ABCA10: variants seen among roughly 807,000 people sequenced by gnomAD.
The protein encoded by ABCA10 is ATP-binding cassette sub-family A member 10.
ABCA10 carries 169 observed loss-of-function variants against 187.5 expected under a neutral mutation model. The observed-to-expected ratio is 0.90, with a 90% CI of 0.80 to 1.02. The LOEUF (loss-of-function observed/expected upper bound fraction) is 1.02. ABCA10 is among the 50% of genes least tolerant of loss of function. ABCA10 has a pLI of 0.00. For synonymous variants in ABCA10, 574 were observed against 601.8 expected, an observed-to-expected ratio of 0.95 and a Z score of 0.68; for missense variants, 1,727 against 1,812.4, an observed-to-expected ratio of 0.95 and a Z score of 0.86.
chr17:69,197,232 TG>T, intron 10 of ABCA10, 110 bp from the exon 11 acceptor site: 1 of 839,582 alleles, frequency 1.2e-6, no homozygotes, highest in Non-Finnish European at 1.9e-6. Context: ...TCACTCTCAG[TG>T]GGATGTAAGG....
At position 69,165,008 on chromosome 17, in the gene ABCA10, T is replaced by C; in HGVS notation, c.3238A>G (p.Ile1080Val). ...KLNLILCMIF[I>V]PSFTLLGYVM... ...TACCCCAGCAAAGTGAAGGAAGGTATGAAAATCATGCACAAAATTAAGTTG... is the reference window on the plus strand; with the variant it reads ...TACCCCAGCAAAGTGAAGGAAGGTACGAAAATCATGCACAAAATTAAGTTG... Residue 1080 changes from isoleucine to valine, a missense_variant, in exon 26 of 39, where the codon ATA becomes GTA. Coordinates refer to ENST00000690296, the MANE Select transcript of ABCA10 (RefSeq NM_001377321.1). 6.2e-7 allele frequency: 1 copy of C among 1,613,194 alleles called. No homozygotes were observed. Among genetic ancestry groups the C allele is most frequent in the Non-Finnish European group, 8.5e-7 (1 of 1,179,338 alleles).
At chr17:69,154,212 A>C in intron 31 of ABCA10, 23 bp downstream of exon 31, 2 of 1,559,888 alleles carry the variant, frequency 1.3e-6, no homozygotes, top group Non-Finnish European at 8.7e-7. Context: ...TTTAAAATAA[A>C]ATTTCCTTCA....
chr17:69,194,235 A>C, intron 12 of ABCA10, 150 bp downstream of exon 12: 1 of 750,174 alleles, frequency 1.3e-6, no homozygotes, highest in South Asian at 1.8e-5. Context: ...AAATGTTTTC[A>C]TGAATTTATG....
chr17:69,209,774 C>T (rs2074623837), intron 9 of ABCA10, among the ~76,000 whole-genome samples: 2 of 152,174 alleles, frequency 1.3e-5, no homozygotes, highest in South Asian at 4.1e-4. Context: ...GTCTACTACG[C>T]ACCTAGGCTA....
Position 69,194,418 on chromosome 17 carries a change from T to A in ABCA10, c.1312A>T (p.Asn438Tyr), listed in dbSNP as rs140932709. The A allele has an allele frequency of 2.1e-5, 34 of 1,612,914 alleles. No individual in the cohort carries two copies. The African/African-American group carries it at 2.1e-4, about 10-fold the overall frequency. ...HNGAGKSTLL[N>Y]ILSGLSVSTE... Reference sequence around the variant, plus strand: ...GAAACAGACAATCCACTAAGAATGTTTAGCAGTGTTGATTTACCAGCTCCA... The same window carrying A: ...GAAACAGACAATCCACTAAGAATGTATAGCAGTGTTGATTTACCAGCTCCA... Residue 438 changes from asparagine (N) to tyrosine (Y), a missense_variant, in exon 12 of 39, where the codon AAC (asparagine) becomes TAC (tyrosine). Asn to Tyr is a moderately radical substitution (Grantham distance 143, BLOSUM62 -2). Coordinates refer to ENST00000690296, the MANE Select transcript of ABCA10 (RefSeq NM_001377321.1).
intron 23 of ABCA10, 98 bp from the exon 24 acceptor site, chr17:69,174,875 G>T: frequency 1.9e-6 from 2 of 1,074,798 alleles, no homozygotes; most frequent in Non-Finnish European, 2.5e-6. Context: ...GAAATAGTAT[G>T]TTATAGTGTC....
At chr17:69,165,629 T>C (rs966949404) in intron 25 of ABCA10, among the ~76,000 whole-genome samples, 1 of 152,154 alleles carries the variant, frequency 6.6e-6, no homozygotes, top group African/African-American at 2.4e-5. Context: ...TGTTAGTCGT[T>C]TCCTAAAATG....
intron 27 of ABCA10, among the ~76,000 whole-genome samples, chr17:69,163,086 C>G (rs559820683): frequency 6.6e-5 from 10 of 152,170 alleles, no homozygotes; most frequent in Non-Finnish European, 1.2e-4. Flanking sequence ...GTCCACCCAC[C>G]TCGGCTTCCC....
At chr17:69,156,664 T>G (rs1023577727) in intron 28 of ABCA10, among the ~76,000 whole-genome samples, 168 bp downstream of exon 28, 2 of 152,008 alleles carry the variant, frequency 1.3e-5, no homozygotes, top group Non-Finnish European at 2.9e-5. Flanking sequence ...AATTATAAAT[T>G]TAAGAAGATT....
chr17:69,222,321 G>A (rs1187873404), intron 4 of ABCA10, among the ~76,000 whole-genome samples: 6 of 136,794 alleles, frequency 4.4e-5, no homozygotes. Context: ...CAGGGTGACA[G>A]AGGGAGACTC....
In ABCA10 at chr17:69,235,588, G is replaced by T. The variant is rs540083246; in HGVS notation, c.-592-6728C>A. Among the ~76,000 whole-genome samples the T allele has an allele frequency of 3.3e-5, 5 of 151,890 alleles. No homozygotes were observed. The South Asian group carries it at 8.3e-4, about 25-fold the overall frequency. On this transcript the variant is annotated intron_variant, in intron 1 of 39. Transcript: ENST00000269081. ...TTGCTGTCACTGCCACTACTCAAGC[G>T]GCCTTACCCCACCCCTTTCTGGGAC...
intron 26 of ABCA10, 106 bp downstream of exon 26, chr17:69,164,858 G>T: frequency 1.5e-6 from 2 of 1,349,790 alleles, no homozygotes; most frequent in South Asian, 1.6e-5. Context: ...TATCAGCATT[G>T]AATAACTTCA....
chr17:69,178,414 C>T (rs1483745428), intron 22 of ABCA10, among the ~76,000 whole-genome samples: 3 of 152,298 alleles, frequency 2.0e-5, no homozygotes, highest in Middle Eastern at 6.8e-3. Context: ...GCAGCATCAA[C>T]GTCACCCGGT....
At chr17:69,239,035 A>C (rs2074888757) in intron 1 of ABCA10, among the ~76,000 whole-genome samples, 1 of 152,230 alleles carries the variant, frequency 6.6e-6, no homozygotes, top group Non-Finnish European at 1.5e-5. Flanking sequence ...CTAAAAACTA[A>C]AGCAGTGAAA....
chr17:69,194,948 G>A (rs2074487123), intron 11 of ABCA10, among the ~76,000 whole-genome samples: 1 of 152,080 alleles, frequency 6.6e-6, no homozygotes, highest in Admixed American at 6.6e-5. Flanking sequence ...AGGTAGAACT[G>A]ATAAAGAAAA....
At chr17:69,206,749 T>C (rs2074594665) in intron 9 of ABCA10, among the ~76,000 whole-genome samples, 2 of 152,136 alleles carry the variant, frequency 1.3e-5, no homozygotes, top group African/African-American at 4.8e-5. Context: ...TTGAGGAACA[T>C]CTGTACAAAA....
upstream of ABCA10, among the ~76,000 whole-genome samples, chr17:69,232,609 G>A (rs2074839423): frequency 6.6e-6 from 1 of 152,024 alleles, no homozygotes; most frequent in East Asian, 1.9e-4. Context: ...ATTTTTAATA[G>A]TTTTGACTTT....
chr17:69,220,488 G>C (rs2074739813), intron 5 of ABCA10, among the ~76,000 whole-genome samples: 1 of 152,108 alleles, frequency 6.6e-6, no homozygotes, highest in Non-Finnish European at 1.5e-5. Context: ...TAAGAGGCCA[G>C]GTAAAAGATT....
chr17:69,218,874 T>C (rs991681732), intron 6 of ABCA10, among the ~76,000 whole-genome samples: 6 of 152,194 alleles, frequency 3.9e-5, no homozygotes, highest in Non-Finnish European at 8.8e-5. Context: ...CCAAAATTAT[T>C]TGAACTTTTT....
Sources: allele counts gnomAD v4.1 joint callset (sites outside exome capture counted in the v4.1 genomes callset), GRCh38; gene constraint gnomAD v4.1.1; transcripts MANE v1.5; gene names NCBI Gene and HGNC (gene_info 2026-07-23, HGNC 2026-07-21).